CACNA2D3: variants seen among roughly 807,000 people sequenced by gnomAD.
CACNA2D3 encodes voltage-dependent calcium channel subunit alpha-2/delta-3.
A neutral mutation model predicts 160.6 loss-of-function variants in CACNA2D3; 60 were observed. The ratio of observed to expected loss-of-function variants is 0.37; its 90% CI spans 0.30 to 0.46. The LOEUF (loss-of-function observed/expected upper bound fraction) is 0.46. CACNA2D3 is among the 20% of genes least tolerant of loss of function. The pLI, the probability that CACNA2D3 is intolerant of heterozygous loss-of-function variation, is 1.00. For missense variants in CACNA2D3, 1,205 were observed against 1,365.0 expected (o/e 0.88, Z 1.85); for synonymous variants, 558 against 492.9 (o/e 1.13, Z -1.75).
intron 4 of CACNA2D3, among the ~76,000 whole-genome samples, chr3:54,500,702 A>G (rs545056590): frequency 1.3e-5 from 2 of 151,454 alleles, no homozygotes; most frequent in Non-Finnish European, 1.5e-5. Flanking sequence ...CTCTTAGCAT[A>G]TAAATTATGC....
At chr3:54,473,086 G>A (rs1327346490) in intron 4 of CACNA2D3, among the ~76,000 whole-genome samples, 1 of 152,118 alleles carries the variant, frequency 6.6e-6, no homozygotes, top group African/African-American at 2.4e-5. Context: ...TCAATCCTAA[G>A]CAAAAAGAAT....
chr3:54,962,473 A>G (rs1702052870), intron 27 of CACNA2D3, among the ~76,000 whole-genome samples: 1 of 152,220 alleles, frequency 6.6e-6, no homozygotes, highest in Non-Finnish European at 1.5e-5. Flanking sequence ...GGAGCAAGTC[A>G]TAACATGAAT....
intron 4 of CACNA2D3, among the ~76,000 whole-genome samples, chr3:54,420,289 T>G (rs1320687951): frequency 2.6e-5 from 4 of 151,950 alleles, no homozygotes; most frequent in Non-Finnish European, 5.9e-5. Context: ...TTCACTATGT[T>G]GGCCAGGATG....
chr3:54,317,499 G>A (rs778876133), intron 2 of CACNA2D3, among the ~76,000 whole-genome samples: 4 of 152,204 alleles, frequency 2.6e-5, no homozygotes, highest in Non-Finnish European at 5.9e-5. Context: ...AGAAGGGCAA[G>A]GAGAGCCAAG....
intron 25 of CACNA2D3, among the ~76,000 whole-genome samples, chr3:54,893,490 C>G (rs528254020): frequency 6.6e-6 from 1 of 152,180 alleles, no homozygotes; most frequent in South Asian, 2.1e-4. Flanking sequence ...ACCTGCCTAT[C>G]CCCTCCCATC....
At position 55,074,276 on chromosome 3, in the gene CACNA2D3, A is replaced by C; in HGVS notation, c.*70A>C. 1 of 1,268,640 alleles carries C rather than the reference A, an allele frequency of 7.9e-7. No homozygotes were observed. The highest frequency in any genetic ancestry group is 1.2e-6 in the Non-Finnish European group (1 of 865,820). 78.6% of individuals were successfully genotyped at this position (1,268,640 alleles called of 1,614,324 possible). A position where few individuals can be genotyped will look rare whatever the true frequency, so the allele number is the denominator to read the frequency against. On this transcript the variant is annotated 3_prime_UTR_variant, in exon 38 of 38. Coordinates refer to ENST00000474759, the MANE Select transcript of CACNA2D3 (RefSeq NM_018398.3). ...ATGCTAAATCATGGATAAACTGTGA[A>C]CCAAAATATGGTGCAACATACGAGA...
intron 10 of CACNA2D3, among the ~76,000 whole-genome samples, chr3:54,631,929 T>A (rs1699246670): frequency 6.6e-6 from 1 of 152,350 alleles, no homozygotes; most frequent in East Asian, 1.9e-4. Context: ...TCGGTGACAT[T>A]TCAAAGACTG....
chr3:54,739,464 A>G (rs1701601432), intron 11 of CACNA2D3, among the ~76,000 whole-genome samples: 1 of 145,450 alleles, frequency 6.9e-6, no homozygotes, highest in African/African-American at 2.6e-5. Context: ...CCACACACAC[A>G]CACACACAAA....
chr3:54,158,523 A>C (rs570079291), intron 2 of CACNA2D3, among the ~76,000 whole-genome samples: 76 of 152,280 alleles, frequency 5.0e-4, no homozygotes, highest in African/African-American at 1.8e-3. Flanking sequence ...TTTACATAAA[A>C]TCGAATCTCT....
chr3:54,198,390 C>T (rs1701118764), intron 2 of CACNA2D3, among the ~76,000 whole-genome samples: 1 of 152,222 alleles, frequency 6.6e-6, no homozygotes, highest in Non-Finnish European at 1.5e-5. Context: ...TGATGTGAGG[C>T]CAGAGCCTCT....
intron 5 of CACNA2D3, among the ~76,000 whole-genome samples, chr3:54,523,710 A>G (rs1015769523): frequency 2.6e-5 from 4 of 151,786 alleles, no homozygotes; most frequent in Non-Finnish European, 5.9e-5. Context: ...CAGATTATCT[A>G]TTTCTTTTTG....
chr3:55,020,932 A>G (rs72866972), intron 35 of CACNA2D3, among the ~76,000 whole-genome samples: 2,575 of 152,052 alleles, frequency 0.017, 70 homozygotes, highest in African/African-American at 0.059. Context: ...TTTATGCTCA[A>G]AAAGGAGAGT....
At chr3:54,450,472 C>G (rs1173020945) in intron 4 of CACNA2D3, among the ~76,000 whole-genome samples, 3 of 152,130 alleles carry the variant, frequency 2.0e-5, no homozygotes, top group Non-Finnish European at 4.4e-5. Context: ...ATTTGATCCC[C>G]ATTGTTGGAG....
intron 14 of CACNA2D3, among the ~76,000 whole-genome samples, chr3:54,822,761 T>TCTTTCTTTCTTG (rs1703642128): frequency 1.2e-5 from 1 of 84,276 alleles, no homozygotes; most frequent in African/African-American, 4.8e-5. Context: ...TTTCTTTCTT[T>TCTTTCTTTCTTG]CTTTCTTTCT....
intron 2 of CACNA2D3, among the ~76,000 whole-genome samples, chr3:54,251,784 C>T (rs1240021416): frequency 2.6e-5 from 4 of 152,252 alleles, no homozygotes; most frequent in East Asian, 3.9e-4. Flanking sequence ...CATGGAGCAG[C>T]GTTAGTAATA....
At chr3:54,551,704 C>T (rs2106686256) in intron 5 of CACNA2D3, among the ~76,000 whole-genome samples, 1 of 152,314 alleles carries the variant, frequency 6.6e-6, no homozygotes, top group African/African-American at 2.4e-5. Context: ...CGTGGGTGCT[C>T]TGGCCGTCGT....
rs376054738 is a variant in CACNA2D3, at chr3:54,345,749, C to G, written c.321+25191C>G. Among the ~76,000 whole-genome samples, 22 of 152,284 alleles carry G rather than the reference C, an allele frequency of 1.4e-4. No individual in the cohort carries two copies. The East Asian group carries it at 2.9e-3, about 20-fold the overall frequency. On this transcript the variant is annotated intron_variant, in intron 3 of 37. Coordinates refer to ENST00000474759, the MANE Select transcript of CACNA2D3 (RefSeq NM_018398.3). ...ACCTCTAAGCCTAACGTCATCTCCA[C>G]TGGCCTCTACCTTTGCTGTGGAAGA...
In CACNA2D3 at chr3:54,829,685, G is replaced by A. The variant is rs73063750; in HGVS notation, c.1399-7474G>A. The stretch of plus-strand genomic sequence containing the variant: ...AGCCTCACCCCATTAACCCTATTAT[G>A]TGCTACCCAGAGAATGGCCCTTAAG... On this transcript the variant is annotated intron_variant, in intron 14 of 37. Coordinates refer to ENST00000474759, the MANE Select transcript of CACNA2D3 (RefSeq NM_018398.3). 7.6e-3 allele frequency among the ~76,000 whole-genome samples: 1,156 copies of A among 152,008 alleles called. 5 individuals are homozygous for A. Among genetic ancestry groups the A allele is most frequent in the Non-Finnish European group, 0.013 (861 of 68,004 alleles).
In CACNA2D3 at chr3:54,281,909, G is replaced by A. The variant is rs144733541; in HGVS notation, c.205-38533G>A. 1.2e-3 allele frequency among the ~76,000 whole-genome samples: 190 copies of A among 152,306 alleles called. 1 individual carries two copies. The highest frequency in any genetic ancestry group is 2.1e-3 in the Non-Finnish European group (142 of 68,030). ...AACACTGCTCAGCAGATAGCACAGA[G>A]TGGAGGCTTCCTTATGTGTGTTAAA... is the stretch of plus-strand genomic sequence containing the variant. On this transcript the variant is annotated intron_variant, in intron 2 of 37. Coordinates refer to ENST00000474759, the MANE Select transcript of CACNA2D3 (RefSeq NM_018398.3).
Sources: gnomAD v4.1 joint callset for allele counts (sites outside exome capture counted in the v4.1 genomes callset) on GRCh38, gnomAD v4.1.1 for gene constraint, MANE v1.5 for transcripts, NCBI Gene and HGNC (gene_info 2026-07-23, HGNC 2026-07-21) for gene names.